ATE1: variants seen among roughly 807,000 people sequenced by gnomAD.
ATE1 encodes the protein arginyl-tRNA--protein transferase 1.
Under a neutral mutation model 70.5 loss-of-function variants are expected in ATE1, and 36 were observed. The ratio of observed to expected loss-of-function variants is 0.51; its 90% CI spans 0.39 to 0.67. ATE1 has a LOEUF of 0.67. Ranked by LOEUF, ATE1 falls within the 30% of genes least tolerant of loss-of-function variation. The probability of loss-of-function intolerance (pLI) is 0.00; values close to 1 mark genes in which losing one functional copy is unlikely to be tolerated. For missense variants in ATE1, 593 were observed against 629.5 expected (o/e 0.94, Z 0.62); for synonymous variants, 232 against 219.3 (o/e 1.06, Z -0.51).
chr10:121,919,655 C>A (rs933967084), intron 3 of ATE1, among the ~76,000 whole-genome samples: 2 of 152,030 alleles, frequency 1.3e-5, no homozygotes, highest in Non-Finnish European at 2.9e-5. Flanking sequence ...GTGGCTCACG[C>A]CTGAAATCCC....
Position 121,742,368 on chromosome 10 carries a change from T to A in ATE1, c.*1312A>T, listed in dbSNP as rs1178871826. On this transcript the variant is annotated 3_prime_UTR_variant, in exon 12 of 12. Coordinates refer to ENST00000224652, the MANE Select transcript of ATE1 (RefSeq NM_001001976.3). Reference sequence around the variant, plus strand: ...AAACTACCATGTTTTATAACATGGCTTTTAAGAAACGATGAACCAAAACAG... The same window carrying A: ...AAACTACCATGTTTTATAACATGGCATTTAAGAAACGATGAACCAAAACAG... 6.6e-6 allele frequency: 1 copy of A among 152,196 alleles called. No individual in the cohort carries two copies. The highest frequency in any genetic ancestry group is 1.5e-5 in the Non-Finnish European group (1 of 68,048). 9.4% of individuals were successfully genotyped at this position (152,196 alleles called of 1,614,324 possible). A position where few individuals can be genotyped will look rare whatever the true frequency, so the allele number is the denominator to read the frequency against.
At chr10:121,875,455 C>A (rs1291213634) in intron 7 of ATE1, among the ~76,000 whole-genome samples, 2 of 151,848 alleles carry the variant, frequency 1.3e-5, no homozygotes, top group African/African-American at 2.4e-5. Context: ...CAGGCGCCCA[C>A]CACCACGCCT....
chr10:121,919,758 CCTA>C (rs1951807335), intron 3 of ATE1, among the ~76,000 whole-genome samples: 1 of 152,020 alleles, frequency 6.6e-6, no homozygotes, highest in Non-Finnish European at 1.5e-5. Flanking sequence ...ATTAACCAGG[CCTA>C]GCGGTGGGCA....
chr10:121,791,853 G>A (rs936827987), intron 10 of ATE1, among the ~76,000 whole-genome samples: 6 of 152,176 alleles, frequency 3.9e-5, no homozygotes, highest in Admixed American at 3.3e-4. Flanking sequence ...ACACCATAGA[G>A]TTTGAAAAAC....
intron 8 of ATE1, among the ~76,000 whole-genome samples, chr10:121,865,186 C>T (rs1949619804): frequency 6.6e-6 from 1 of 152,152 alleles, no homozygotes; most frequent in Non-Finnish European, 1.5e-5. Context: ...GGAATATCTA[C>T]CTCATTGACA....
At chr10:121,928,078 A>AGGCCCGGCC (rs1564977773), upstream of ATE1, 6 of 1,203,308 alleles carry the variant, frequency 5.0e-6, no homozygotes, top group Non-Finnish European at 6.2e-6. Context: ...GGGCGCCCGC[A>AGGCCCGGCC]GGCCCGGCCG....
chr10:121,785,127 G>A (rs1321902907), intron 11 of ATE1, among the ~76,000 whole-genome samples: 1 of 152,058 alleles, frequency 6.6e-6, no homozygotes, highest in African/African-American at 2.4e-5. Context: ...TGTTTATTAA[G>A]TATTCAGCAA....
At position 121,742,168 on chromosome 10, in the gene ATE1, C is replaced by T. The variant is rs1346911896; in HGVS notation, c.*1512G>A. The stretch of plus-strand genomic sequence containing the variant: ...GTACGCAGCACCTTGGCAGGTGTGA[C>T]ACACACACTCTGAATGAAGAAATGC... On this transcript the variant is annotated 3_prime_UTR_variant, in exon 12 of 12. Coordinates refer to ENST00000224652, the MANE Select transcript of ATE1 (RefSeq NM_001001976.3). The T allele has an allele frequency of 6.6e-6, 1 of 152,190 alleles. No individual in the cohort carries two copies. The highest frequency in any genetic ancestry group is 1.5e-5 in the Non-Finnish European group (1 of 68,040). The allele number at this position is 152,190 out of a possible 1,614,324, so 9.4% of individuals were successfully genotyped here. A position where few individuals can be genotyped will look rare whatever the true frequency, so the allele number is the denominator to read the frequency against.
chr10:121,762,121 G>A (rs1273146732), intron 11 of ATE1, among the ~76,000 whole-genome samples: 4 of 152,182 alleles, frequency 2.6e-5, no homozygotes, highest in Admixed American at 2.0e-4. Flanking sequence ...CTTCAGCAAA[G>A]CGTATCAGAA....
upstream of ATE1, chr10:121,928,463 C>G: frequency 6.6e-7 from 1 of 1,505,798 alleles, no homozygotes; most frequent in Non-Finnish European, 8.9e-7. Flanking sequence ...GGGCCGACCA[C>G]GCCTCTTGGC....
chr10:121,821,398 A>G (rs140342841), intron 10 of ATE1, among the ~76,000 whole-genome samples: 67 of 152,344 alleles, frequency 4.4e-4, no homozygotes, highest in African/African-American at 1.6e-3. Flanking sequence ...AAAGGCAAGC[A>G]ATGAGTGGAA....
At chr10:121,899,201 T>C (rs1007466523) in intron 7 of ATE1, among the ~76,000 whole-genome samples, 28 of 152,128 alleles carry the variant, frequency 1.8e-4, no homozygotes, top group Non-Finnish European at 3.1e-4. Flanking sequence ...TCTTTTTTTT[T>C]TCTCTCTCTC....
intron 11 of ATE1, among the ~76,000 whole-genome samples, chr10:121,776,838 C>T (rs1450774027): frequency 6.6e-6 from 1 of 152,224 alleles, no homozygotes; most frequent in Non-Finnish European, 1.5e-5. Context: ...AAACACTATT[C>T]TACGCATGAC....
Position 121,913,780 on chromosome 10 carries a change from C to A in ATE1, c.337+10G>T. 1 of 1,582,766 alleles carries A rather than the reference C, an allele frequency of 6.3e-7. No homozygotes were observed. The highest frequency in any genetic ancestry group is 8.7e-7 in the Non-Finnish European group (1 of 1,155,568). Reference sequence around the variant, plus strand: ...GATAGTAAATCGTTTTTAGACCCAGCCCATCTTACCCTCACAACTTCCTTT... The same window carrying A: ...GATAGTAAATCGTTTTTAGACCCAGACCATCTTACCCTCACAACTTCCTTT... On this transcript the variant is annotated intron_variant, in intron 4 of 11. Coordinates refer to ENST00000224652, the MANE Select transcript of ATE1 (RefSeq NM_001001976.3).
At chr10:121,796,355 T>A (rs1346044778) in intron 10 of ATE1, among the ~76,000 whole-genome samples, 2 of 152,194 alleles carry the variant, frequency 1.3e-5, no homozygotes, top group African/African-American at 2.4e-5. Flanking sequence ...AATTAAACAT[T>A]TTTTTGGTGA....
chr10:121,793,791 C>T (rs958656455), intron 10 of ATE1, among the ~76,000 whole-genome samples: 3 of 151,988 alleles, frequency 2.0e-5, no homozygotes, highest in Non-Finnish European at 2.9e-5. Flanking sequence ...CTTTCTATGC[C>T]ATACTCTTAC....
rs772725949 is a variant in ATE1 at position 121,840,598 on chromosome 10, C to T, written c.1157+484G>A. ...AAACAACAAAAGCTACCCACAAATA[C>T]AATGACTTCTTAACTAGATGGATAC... On this transcript the variant is annotated intron_variant, in intron 9 of 11. Transcript: ENST00000224652. Among the ~76,000 whole-genome samples, 3 of 152,078 alleles carry T rather than the reference C, an allele frequency of 2.0e-5. 1 individual carries two copies. Among genetic ancestry groups the T allele is most frequent in the Admixed American group, 2.0e-4 (3 of 15,270 alleles).
chr10:121,848,282 G>GCCTT (rs1315038501), intron 8 of ATE1, among the ~76,000 whole-genome samples: 1 of 92,412 alleles, frequency 1.1e-5, no homozygotes, highest in South Asian at 4.6e-4. Flanking sequence ...AATCTAATGT[G>GCCTT]CGTTCATTCA....
At chr10:121,914,523 C>T (rs948746640) in intron 3 of ATE1, among the ~76,000 whole-genome samples, 1 of 151,428 alleles carries the variant, frequency 6.6e-6, no homozygotes, top group Non-Finnish European at 1.5e-5. Context: ...AAAAAAAAGC[C>T]AATTTTCTCT....
Sources: gnomAD v4.1 joint callset for allele counts (sites outside exome capture counted in the v4.1 genomes callset) on GRCh38, gnomAD v4.1.1 for gene constraint, MANE v1.5 for transcripts, NCBI Gene and HGNC (gene_info 2026-07-23, HGNC 2026-07-21) for gene names.